AFF2: variants seen among roughly 807,000 people sequenced by gnomAD.
AFF2 encodes ALF transcription elongation factor 2.
A neutral mutation model predicts 76.9 loss-of-function variants in AFF2; 14 were observed. The observed-to-expected ratio is 0.18, with a 90% CI of 0.12 to 0.28. AFF2 has a LOEUF of 0.28. Among genes scored for constraint, AFF2 ranks in the 10% least tolerant of loss-of-function variants. AFF2 has a pLI of 1.00. For missense variants in AFF2, 868 were observed against 1,001.1 expected (o/e 0.87, Z 1.79); for synonymous variants, 398 against 366.7 (o/e 1.09, Z -0.98).
rs1453858043 is a variant in AFF2 at position 148,991,550 on chromosome X, A to G, written c.*218A>G. 3.4e-6 allele frequency: 1 copy of G among 297,071 alleles called. No homozygotes were observed. The highest frequency in any genetic ancestry group is 5.6e-6 in the Non-Finnish European group (1 of 179,945). 24.5% of individuals were successfully genotyped at this position (297,071 alleles called of 1,213,427 possible). Reference sequence around the variant, plus strand: ...ATTACTTAGTCATTTTTTTTCTTTTAGCATTTGATATGCATTTCTCAGATT... The same window carrying G: ...ATTACTTAGTCATTTTTTTTCTTTTGGCATTTGATATGCATTTCTCAGATT... On this transcript the variant is annotated 3_prime_UTR_variant, in exon 21 of 21. Transcript: ENST00000370460.
intron 3 of AFF2, among the ~76,000 whole-genome samples, chrX:148,683,620 G>C (rs2054571770): frequency 8.9e-6 from 1 of 111,830 alleles, no homozygotes; most frequent in Non-Finnish European, 1.9e-5. Flanking sequence ...TCTTTTTTAA[G>C]TATAAAGTAC....
chrX:148,910,723 G>C (rs2071459093), intron 9 of AFF2, among the ~76,000 whole-genome samples: 1 of 112,068 alleles, frequency 8.9e-6, no homozygotes, highest in South Asian at 3.7e-4. Flanking sequence ...AGGCTGAGTA[G>C]AAATGGTAGC....
In AFF2 at chrX:148,998,059, T is replaced by C. The variant is rs2072626914; in HGVS notation, c.*6727T>C. On this transcript the variant is annotated 3_prime_UTR_variant, in exon 21 of 21. Coordinates refer to ENST00000370460, the MANE Select transcript of AFF2 (RefSeq NM_002025.4). ...AAGATTGTTTGCTGTAGTGTTGTCTTTGATAAAATGAATGTCAGTAGTGAG... is the reference window on the plus strand; with the variant it reads ...AAGATTGTTTGCTGTAGTGTTGTCTCTGATAAAATGAATGTCAGTAGTGAG... The C allele has an allele frequency of 8.9e-6, 1 of 111,933 alleles. No homozygotes were observed. The highest frequency in any genetic ancestry group is 3.7e-4 in the South Asian group (1 of 2,685). 9.2% of individuals were successfully genotyped at this position (111,933 alleles called of 1,213,427 possible).
chrX:148,642,751 G>T (rs1380969338), intron 1 of AFF2, among the ~76,000 whole-genome samples: 1 of 112,110 alleles, frequency 8.9e-6, no homozygotes, highest in African/African-American at 3.2e-5. Context: ...GCAGGCCTGA[G>T]GAAAGAGGAA....
intron 3 of AFF2, among the ~76,000 whole-genome samples, chrX:148,682,818 A>G (rs1234593544): frequency 3.6e-5 from 4 of 111,990 alleles, no homozygotes; most frequent in African/African-American, 1.3e-4. Context: ...TATTATTTGG[A>G]TGTGTTTTTT....
At chrX:148,882,202 G>A (rs2071105000) in intron 7 of AFF2, among the ~76,000 whole-genome samples, 1 of 111,726 alleles carries the variant, frequency 9.0e-6, no homozygotes, top group Non-Finnish European at 1.9e-5. Flanking sequence ...GCACTAGAAT[G>A]TTTCAGTGCA....
At chrX:148,920,897 A>T (rs781988296) in intron 9 of AFF2, among the ~76,000 whole-genome samples, 1 of 110,544 alleles carries the variant, frequency 9.0e-6, no homozygotes, top group African/African-American at 3.3e-5. Context: ...TCAGTGGGTT[A>T]AGGAAAGTCA....
chrX:148,717,810 C>T (rs782459376), intron 3 of AFF2, among the ~76,000 whole-genome samples: 1 of 111,242 alleles, frequency 9.0e-6, no homozygotes, highest in Non-Finnish European at 1.9e-5. Flanking sequence ...CAGCCTTGGT[C>T]TTCCTCATTC....
intron 1 of AFF2, among the ~76,000 whole-genome samples, chrX:148,554,023 G>C (rs1557239324): frequency 1.8e-5 from 2 of 111,834 alleles, no homozygotes; most frequent in Admixed American, 1.9e-4. Flanking sequence ...AGAATGAATA[G>C]AGTGTGGGTT....
At chrX:148,747,226 C>T (rs2124570758) in intron 3 of AFF2, among the ~76,000 whole-genome samples, 1 of 111,273 alleles carries the variant, frequency 9.0e-6, no homozygotes, top group African/African-American at 3.3e-5. Context: ...GACTTCATGT[C>T]CCCTCTCAGA....
Position 148,723,205 on chromosome X carries a change from G to A in AFF2, c.1041+60437G>A, listed in dbSNP as rs142116466. 5.6e-3 allele frequency among the ~76,000 whole-genome samples: 624 copies of A among 112,164 alleles called. 6 individuals carry two copies. The highest frequency in any genetic ancestry group is 0.02 in the African/African-American group (605 of 30,925). ...AATTTAAATGTTCATGGGCTGGACA[G>A]TAGAAAGGTAGCAGGCTAGCCAACC... On this transcript the variant is annotated intron_variant, in intron 3 of 20. Transcript: ENST00000370460.
chrX:148,874,548 ATTTCC>A (rs2071014519), intron 7 of AFF2, among the ~76,000 whole-genome samples: 4 of 111,623 alleles, frequency 3.6e-5, no homozygotes, highest in Admixed American at 9.5e-5. Context: ...ACCCTTTGCT[ATTTCC>A]TTTACACATT....
intron 3 of AFF2, among the ~76,000 whole-genome samples, chrX:148,806,104 C>G (rs1207436711): frequency 8.9e-6 from 1 of 112,909 alleles, no homozygotes; most frequent in Non-Finnish European, 1.9e-5. Flanking sequence ...GGCAGCAGTT[C>G]TAATCCCAGT....
chrX:148,564,068 C>A (rs2053142701), intron 1 of AFF2, among the ~76,000 whole-genome samples: 1 of 111,636 alleles, frequency 9.0e-6, no homozygotes, highest in South Asian at 3.7e-4. Context: ...TCAATATATC[C>A]TGAAGGGAAA....
At chrX:148,967,763 C>A in intron 15 of AFF2, 71 bp downstream of exon 15, 1 of 1,031,046 alleles carries the variant, frequency 9.7e-7, no homozygotes, top group Non-Finnish European at 1.3e-6. Context: ...AAAGAAAGCA[C>A]TTTTCCAAAC....
intron 3 of AFF2, among the ~76,000 whole-genome samples, chrX:148,804,008 TG>T (rs1299666788): frequency 9.0e-6 from 1 of 111,634 alleles, no homozygotes; most frequent in Non-Finnish European, 1.9e-5. Context: ...TAAGATGTCA[TG>T]GGAGCCAGTT....
intron 2 of AFF2, among the ~76,000 whole-genome samples, chrX:148,656,182 G>T (rs2054249648): frequency 8.9e-6 from 1 of 111,940 alleles, no homozygotes; most frequent in African/African-American, 3.3e-5. Context: ...CCTAGATTTG[G>T]TTGGTAATAG....
chrX:148,949,155 G>A (rs974417977), intron 9 of AFF2, among the ~76,000 whole-genome samples: 10 of 110,398 alleles, frequency 9.1e-5, no homozygotes, highest in African/African-American at 3.3e-4. Flanking sequence ...CAGAATAGTC[G>A]GTTTCTTCAA....
intron 1 of AFF2, among the ~76,000 whole-genome samples, chrX:148,630,142 G>T (rs1400631686): frequency 9.0e-6 from 1 of 111,145 alleles, no homozygotes; most frequent in Non-Finnish European, 1.9e-5. Context: ...AGCTTCTCTG[G>T]TCAGGGTTAC....
Sources: gnomAD v4.1 joint callset for allele counts (sites outside exome capture counted in the v4.1 genomes callset) on GRCh38, gnomAD v4.1.1 for gene constraint, MANE v1.5 for transcripts, NCBI Gene and HGNC (gene_info 2026-07-23, HGNC 2026-07-21) for gene names.